Variants in CLSTN2 observed in about 807,000 individuals in gnomAD.
CLSTN2 encodes the protein calsyntenin 2.
In CLSTN2, 48 loss-of-function variants were observed where a neutral mutation model predicts 101.2. The ratio of observed to expected loss-of-function variants is 0.47; its 90% CI spans 0.38 to 0.60. CLSTN2 has a LOEUF of 0.60. Among genes scored for constraint, CLSTN2 ranks in the 20% least tolerant of loss-of-function variants. The pLI is 0.00. For synonymous variants in CLSTN2, 481 were observed against 463.6 expected (o/e 1.04, Z -0.48); for missense variants, 1,160 against 1,238.2 (o/e 0.94, Z 0.95).
chr3:140,128,305 C>T (rs547165652), intron 1 of CLSTN2, among the ~76,000 whole-genome samples: 202 of 152,310 alleles, frequency 1.3e-3, no homozygotes, highest in Non-Finnish European at 2.2e-3. Context: ...TTTCCACCCA[C>T]TGTGGGCCTG....
intron 1 of CLSTN2, among the ~76,000 whole-genome samples, chr3:140,105,372 C>A (rs981399162): frequency 1.1e-4 from 16 of 152,274 alleles, no homozygotes; most frequent in Middle Eastern, 3.4e-3. Context: ...CAGCCATAAA[C>A]TCTCACTCCA....
At chr3:140,194,175 A>T (rs2010612026) in intron 2 of CLSTN2, among the ~76,000 whole-genome samples, 1 of 152,198 alleles carries the variant, frequency 6.6e-6, no homozygotes, top group South Asian at 2.1e-4. Context: ...AACAACAGAA[A>T]TTTATTTTTT....
chr3:140,378,366 A>G (rs1478828512), intron 2 of CLSTN2, among the ~76,000 whole-genome samples: 1 of 152,244 alleles, frequency 6.6e-6, no homozygotes, highest in African/African-American at 2.4e-5. Context: ...GAGTAAGGGA[A>G]CTAATATCTA....
chr3:139,935,342 G>T lies in CLSTN2; in HGVS notation c.-33G>T. 1 of 1,155,900 alleles carries T rather than the reference G, an allele frequency of 8.7e-7. No homozygotes were observed. Among genetic ancestry groups the T allele is most frequent in the South Asian group, 4.4e-5 (1 of 22,808 alleles). The allele number at this position is 1,155,900 out of a possible 1,614,324, so 71.6% of individuals were successfully genotyped here. On this transcript the variant is annotated 5_prime_UTR_variant, in exon 1 of 17. Coordinates refer to ENST00000458420, the MANE Select transcript of CLSTN2 (RefSeq NM_022131.3). The surrounding 1 kb of genome is among the most constrained non-coding windows in gnomAD (Gnocchi z 5.5). ...GCGAGAGCCGGCGCGGACAGTAGGC[G>T]GCGGCTGCAGCTCGTTGGCGGCTGC...
intron 2 of CLSTN2, among the ~76,000 whole-genome samples, chr3:140,387,451 C>T (rs912578389): frequency 6.6e-6 from 1 of 152,210 alleles, no homozygotes; most frequent in Non-Finnish European, 1.5e-5. Context: ...AGCCTTTCTG[C>T]TTCCACAGGT....
At chr3:139,970,619 T>C (rs2107818725) in intron 1 of CLSTN2, among the ~76,000 whole-genome samples, 1 of 152,294 alleles carries the variant, frequency 6.6e-6, no homozygotes, top group South Asian at 2.1e-4. Flanking sequence ...TGTAAATGGC[T>C]TTGCGTGCCT....
chr3:140,169,055 C>T (rs1474478031), intron 1 of CLSTN2, among the ~76,000 whole-genome samples: 1 of 152,006 alleles, frequency 6.6e-6, no homozygotes, highest in African/African-American at 2.4e-5. Flanking sequence ...GTTGGAGTTA[C>T]ATTAAATCTA....
chr3:140,404,879 T>C (rs2088285359), intron 4 of CLSTN2, 113 bp downstream of exon 4: 1 of 895,136 alleles, frequency 1.1e-6, no homozygotes, highest in Admixed American at 2.0e-5. Flanking sequence ...TTTCTTGCCA[T>C]GTTTGGTCTA....
intron 2 of CLSTN2, among the ~76,000 whole-genome samples, chr3:140,196,372 T>A (rs942224341): frequency 6.6e-6 from 1 of 152,214 alleles, no homozygotes; most frequent in African/African-American, 2.4e-5. Flanking sequence ...TCATGAGTTA[T>A]CATTCCTGGG....
At chr3:140,147,882 T>C (rs1489496125) in intron 1 of CLSTN2, among the ~76,000 whole-genome samples, 6 of 152,230 alleles carry the variant, frequency 3.9e-5, no homozygotes, top group Non-Finnish European at 8.8e-5. Flanking sequence ...ACTACTACCC[T>C]TGTCATTTTT....
chr3:140,028,200 A>G (rs1466518833), intron 1 of CLSTN2, among the ~76,000 whole-genome samples: 1 of 152,128 alleles, frequency 6.6e-6, no homozygotes, highest in Non-Finnish European at 1.5e-5. Context: ...CCTGGAGGGA[A>G]GGTCGTGTTT....
intron 1 of CLSTN2, among the ~76,000 whole-genome samples, chr3:139,975,363 C>T (rs1194999123): frequency 2.6e-5 from 4 of 152,146 alleles, no homozygotes; most frequent in African/African-American, 9.7e-5. Context: ...ATTGTGTACT[C>T]CCTGCAGTCA....
chr3:140,151,423 A>G (rs191352230), intron 1 of CLSTN2, among the ~76,000 whole-genome samples: 1 of 152,132 alleles, frequency 6.6e-6, no homozygotes, highest in African/African-American at 2.4e-5. Flanking sequence ...GTCAGAAAAG[A>G]TTAGGCAATA....
At chr3:140,256,780 T>A (rs779986118) in intron 2 of CLSTN2, among the ~76,000 whole-genome samples, 2 of 152,336 alleles carry the variant, frequency 1.3e-5, no homozygotes, top group South Asian at 2.1e-4. Flanking sequence ...CCAATAAATA[T>A]CATTAACTAA....
chr3:140,539,530 A>C (rs1391395054), intron 9 of CLSTN2, among the ~76,000 whole-genome samples: 1 of 152,176 alleles, frequency 6.6e-6, no homozygotes, highest in East Asian at 1.9e-4. Context: ...TGAAAGCAAA[A>C]ACAGTATCGT....
At chr3:140,115,413 G>A (rs141046600) in intron 1 of CLSTN2, among the ~76,000 whole-genome samples, 1 of 152,160 alleles carries the variant, frequency 6.6e-6, no homozygotes, top group African/African-American at 2.4e-5. Flanking sequence ...TGGGTGGGTA[G>A]GTGGGGGCCA....
intron 2 of CLSTN2, among the ~76,000 whole-genome samples, chr3:140,231,126 A>G (rs1559813441): frequency 6.6e-6 from 1 of 152,206 alleles, no homozygotes; most frequent in East Asian, 1.9e-4. Flanking sequence ...GTGCATGGTG[A>G]GAAAAGTATT....
intron 8 of CLSTN2, among the ~76,000 whole-genome samples, chr3:140,499,794 G>A (rs1326252526): frequency 6.6e-6 from 1 of 152,180 alleles, no homozygotes; most frequent in Non-Finnish European, 1.5e-5. Context: ...GCTGGGCGCG[G>A]TGGCTCACAC....
intron 1 of CLSTN2, among the ~76,000 whole-genome samples, chr3:140,033,105 G>T (rs921674708): frequency 5.3e-5 from 8 of 152,212 alleles, no homozygotes; most frequent in African/African-American, 1.9e-4. Context: ...TCATAGAGTT[G>T]TTGCAATATT....
Sources: gnomAD v4.1 joint callset for allele counts (sites outside exome capture counted in the v4.1 genomes callset) on GRCh38, gnomAD v4.1.1 for gene constraint, Gnocchi (gnomAD v3.1) non-coding constraint, MANE v1.5 for transcripts, NCBI Gene and HGNC (gene_info 2026-07-23, HGNC 2026-07-21) for gene names.